The following MAP1B variants were observed in gnomAD, a reference collection of about 807,000 sequenced individuals.
MAP1B encodes microtubule associated protein 1B, also known as microtubule-associated protein 1B.
In MAP1B, 12 loss-of-function variants were observed where a neutral mutation model predicts 176.1. The observed-to-expected ratio is 0.07, with a 90% CI of 0.04 to 0.11. MAP1B has a LOEUF of 0.11. Ranked by LOEUF, MAP1B falls within the 10% of genes least tolerant of loss-of-function variation. The pLI is 1.00. For missense variants in MAP1B, 2,523 were observed against 2,990.5 expected, an observed-to-expected ratio of 0.84 and a Z score of 3.65; for synonymous variants, 1,044 against 1,135.0, an observed-to-expected ratio of 0.92 and a Z score of 1.61.
chr5:72,183,202 T>C (rs1469427857), intron 2 of MAP1B, among the ~76,000 whole-genome samples: 7 of 152,232 alleles, frequency 4.6e-5, no homozygotes, highest in Non-Finnish European at 1.0e-4. Context: ...CAGTTTCCTA[T>C]GAGCAAGTGA....
chr5:72,121,197 G>GC (rs1230881773), intron 2 of MAP1B, among the ~76,000 whole-genome samples: 1 of 152,314 alleles, frequency 6.6e-6, no homozygotes, highest in East Asian at 1.9e-4. Flanking sequence ...GGGCTGGCCT[G>GC]CCTCCTTGCT....
intron 2 of MAP1B, among the ~76,000 whole-genome samples, chr5:72,160,749 C>T (rs1279118445): frequency 1.3e-5 from 2 of 152,156 alleles, no homozygotes; most frequent in African/African-American, 4.8e-5. Flanking sequence ...CAGTGGGGCT[C>T]CCACCCTCTC....
intron 2 of MAP1B, among the ~76,000 whole-genome samples, chr5:72,167,653 T>C (rs1396259824): frequency 6.6e-6 from 1 of 152,244 alleles, no homozygotes; most frequent in African/African-American, 2.4e-5. Context: ...CTTTGTCTAA[T>C]GAAGCAAGAG....
In MAP1B at chr5:72,207,970, T is replaced by C. The variant is rs1357756231; in HGVS notation, c.*2731T>C. 1.5e-4 allele frequency: 14 copies of C among 94,044 alleles called. No homozygotes were observed. The South Asian group carries it at 3.6e-3, about 24-fold the overall frequency. 5.8% of individuals were successfully genotyped at this position (94,044 alleles called of 1,614,324 possible). A position where few individuals can be genotyped will look rare whatever the true frequency, so the allele number is the denominator to read the frequency against. On this transcript the variant is annotated 3_prime_UTR_variant, in exon 7 of 7. Transcript: ENST00000296755. ...TTTCTCTCTCTCTCTCTCTTTTTTT[T>C]TTTTTTTTTTTTTGCTATGGGATTT...
chr5:72,162,083 C>T (rs1217109718), intron 2 of MAP1B, among the ~76,000 whole-genome samples: 2 of 152,016 alleles, frequency 1.3e-5, no homozygotes, highest in Non-Finnish European at 2.9e-5. Flanking sequence ...AAAGGACCTT[C>T]AAGTCCAAGA....
In MAP1B at chr5:72,195,365, G is replaced by A; in HGVS notation, c.2010G>A (p.Lys670=). ...VAKKEDKTPI[K]KEEKPKKEEV... ...AAAAGGAGGACAAAACACCTATCAAGAAGGAGGAAAAACCAAAAAAGGAAG... is the reference window on the plus strand; with the variant it reads ...AAAAGGAGGACAAAACACCTATCAAAAAGGAGGAAAAACCAAAAAAGGAAG... The change falls in exon 5 of 7, where the codon AAG becomes AAA. Residue 670 remains lysine, a synonymous_variant. Transcript: ENST00000296755. 1 of 1,578,812 alleles carries A rather than the reference G, an allele frequency of 6.3e-7. No homozygotes were observed. Among genetic ancestry groups the A allele is most frequent in the Non-Finnish European group, 8.6e-7 (1 of 1,166,824 alleles).
intron 5 of MAP1B, among the ~76,000 whole-genome samples, chr5:72,202,361 A>G (rs1372141465): frequency 6.6e-6 from 1 of 152,258 alleles, no homozygotes; most frequent in African/African-American, 2.4e-5. Context: ...CAGATTCATT[A>G]AAATAAACTA....
chr5:72,182,407 C>G (rs1019661841), intron 2 of MAP1B, among the ~76,000 whole-genome samples: 8 of 152,156 alleles, frequency 5.3e-5, no homozygotes, highest in African/African-American at 1.9e-4. Flanking sequence ...ATTATCAGAA[C>G]TTCATTCATT....
chr5:72,186,896 T>C lies in MAP1B; in HGVS notation c.510+142T>C. On this transcript the variant is annotated intron_variant, in intron 4 of 6. Transcript: ENST00000296755. This position sits in a 1 kb window ranked among gnomAD's most constrained non-coding sequence, Gnocchi z 4.3. ...ATAAGCAAAACTGCATGATCCAAAA[T>C]ACTTTATTTCTATGGCTCATTGCCA... The C allele has an allele frequency of 1.1e-6, 1 of 931,246 alleles. No individual in the cohort carries two copies. Among genetic ancestry groups the C allele is most frequent in the Non-Finnish European group, 1.6e-6 (1 of 615,292 alleles). 57.7% of individuals were successfully genotyped at this position (931,246 alleles called of 1,614,324 possible).
intron 2 of MAP1B, among the ~76,000 whole-genome samples, chr5:72,133,882 A>G (rs1007250583): frequency 1.3e-5 from 2 of 152,238 alleles, no homozygotes; most frequent in Admixed American, 1.3e-4. Context: ...TTGTAGCATT[A>G]TCAGTTCTCT....
At chr5:72,166,228 G>A (rs1746425161) in intron 2 of MAP1B, among the ~76,000 whole-genome samples, 1 of 152,178 alleles carries the variant, frequency 6.6e-6, no homozygotes. Flanking sequence ...TTCTCCTAGA[G>A]TAATAGCTTC....
intron 2 of MAP1B, among the ~76,000 whole-genome samples, chr5:72,146,910 A>C (rs961691932): frequency 1.3e-5 from 2 of 152,152 alleles, no homozygotes; most frequent in Non-Finnish European, 2.9e-5. Context: ...TATGGGATGC[A>C]AGGATACTGT....
At chr5:72,150,168 C>A (rs1746116766) in intron 2 of MAP1B, among the ~76,000 whole-genome samples, 2 of 152,200 alleles carry the variant, frequency 1.3e-5, no homozygotes, top group African/African-American at 4.8e-5. Flanking sequence ...AACAGAATGG[C>A]CCATTTAAAA....
At chr5:72,188,590 C>T (rs1746962832) in intron 4 of MAP1B, among the ~76,000 whole-genome samples, 1 of 152,188 alleles carries the variant, frequency 6.6e-6, no homozygotes, top group South Asian at 2.1e-4. Flanking sequence ...ATTTGCATCT[C>T]AAATAATATC....
At chr5:72,130,606 T>A (rs1745713470) in intron 2 of MAP1B, among the ~76,000 whole-genome samples, 2 of 152,256 alleles carry the variant, frequency 1.3e-5, no homozygotes, top group Admixed American at 6.5e-5. Context: ...TTACAAAAAC[T>A]ATCAATTACT....
At chr5:72,181,547 C>T (rs1181132648) in intron 2 of MAP1B, among the ~76,000 whole-genome samples, 1 of 151,976 alleles carries the variant, frequency 6.6e-6, no homozygotes, top group African/African-American at 2.4e-5. Context: ...GTACAACCAT[C>T]CCCTCTTTTT....
At position 72,194,135 on chromosome 5, in the gene MAP1B, C is replaced by G. The variant is rs766689782; in HGVS notation, c.780C>G (p.Pro260=). 1 of 1,614,220 alleles carries G rather than the reference C, an allele frequency of 6.2e-7. No individual in the cohort carries two copies. Among genetic ancestry groups the G allele is most frequent in the South Asian group, 1.1e-5 (1 of 91,088 alleles). ...TSGGFLKLSK[P]CCYIFPGGRG... is the part of the protein sequence containing the mutation. The stretch of plus-strand genomic sequence containing the variant: ...GTGGATTTCTGAAGCTCTCCAAGCC[C>G]TGCTGTTATATTTTTCCAGGAGGGA... Residue 260 remains proline (P), a synonymous_variant, in exon 5 of 7, where the codon CCC becomes CCG. Transcript: ENST00000296755. The surrounding 1 kb of genome is among the most constrained non-coding windows in gnomAD (Gnocchi z 7.2).
chr5:72,188,846 C>T (rs773605913), intron 4 of MAP1B, among the ~76,000 whole-genome samples: 9 of 152,162 alleles, frequency 5.9e-5, no homozygotes, highest in Non-Finnish European at 8.8e-5. Context: ...AGGCAGGTAT[C>T]ATTATGGTCA....
intron 4 of MAP1B, among the ~76,000 whole-genome samples, chr5:72,188,952 C>T (rs1343617472): frequency 1.3e-5 from 2 of 152,090 alleles, no homozygotes; most frequent in Non-Finnish European, 2.9e-5. Flanking sequence ...GGTTATCAGC[C>T]TTTTGGAGCT....
Sources: gnomAD v4.1 joint callset for allele counts (sites outside exome capture counted in the v4.1 genomes callset) on GRCh38, gnomAD v4.1.1 for gene constraint, Gnocchi (gnomAD v3.1) non-coding constraint, MANE v1.5 for transcripts, NCBI Gene and HGNC (gene_info 2026-07-23, HGNC 2026-07-21) for gene names.